USP37: variants seen among roughly 807,000 people sequenced by gnomAD.
USP37 encodes ubiquitin specific peptidase 37, also known as ubiquitin carboxyl-terminal hydrolase 37.
USP37 carries 27 observed loss-of-function variants against 124.0 expected under a neutral mutation model. The ratio of observed to expected loss-of-function variants is 0.22; its 90% CI spans 0.16 to 0.30. USP37 has a LOEUF of 0.30. Ranked by LOEUF, USP37 falls within the 10% of genes least tolerant of loss-of-function variation. The probability of loss-of-function intolerance (pLI) is 1.00; values close to 1 mark genes in which losing one functional copy is unlikely to be tolerated. For missense variants in USP37, 889 were observed against 1,140.4 expected (o/e 0.78, Z 3.17); for synonymous variants, 365 against 388.0 (o/e 0.94, Z 0.70).
intron 3 of USP37, among the ~76,000 whole-genome samples, chr2:218,559,782 G>A (rs962460249): frequency 2.0e-5 from 3 of 152,102 alleles, no homozygotes; most frequent in African/African-American, 7.2e-5. Flanking sequence ...TGGGCAGACT[G>A]CTTGAGCAAC....
intron 8 of USP37, among the ~76,000 whole-genome samples, chr2:218,540,312 T>C (rs550898339): frequency 2.0e-5 from 3 of 152,080 alleles, no homozygotes. Context: ...CAAGGTTTCA[T>C]TGTGCTACTC....
intron 16 of USP37, among the ~76,000 whole-genome samples, chr2:218,485,336 T>C (rs1385109093): frequency 6.6e-6 from 1 of 152,058 alleles, no homozygotes; most frequent in Non-Finnish European, 1.5e-5. Context: ...CTTTCTTTTG[T>C]AGAGATGGGG....
chr2:218,497,424 T>C (rs981678596), intron 13 of USP37, among the ~76,000 whole-genome samples: 1 of 151,856 alleles, frequency 6.6e-6, no homozygotes, highest in African/African-American at 2.4e-5. Context: ...GATGGAGTCT[T>C]GCTCTGTCAC....
chr2:218,544,428 T>TAGAGAGAGAGAGAGAGAGAG (rs1241793062), intron 8 of USP37, among the ~76,000 whole-genome samples: 1 of 50,062 alleles, frequency 2.0e-5, no homozygotes, highest in Non-Finnish European at 3.1e-5. Context: ...TATATATATA[T>TAGAGAGAGAGAGAGAGAGAG]ATAGAGAGAG....
At chr2:218,513,799 C>G (rs1690127612) in intron 10 of USP37, among the ~76,000 whole-genome samples, 1 of 152,058 alleles carries the variant, frequency 6.6e-6, no homozygotes, top group East Asian at 1.9e-4. Context: ...TAACCACTTA[C>G]TTTCTCTTTT....
intron 11 of USP37, among the ~76,000 whole-genome samples, chr2:218,508,289 T>A (rs1435874417): frequency 2.0e-5 from 3 of 151,682 alleles, no homozygotes; most frequent in South Asian, 2.1e-4. Context: ...TTTTTTTTTT[T>A]AAAAGGAGTT....
At chr2:218,543,262 G>A (rs751451983) in intron 8 of USP37, among the ~76,000 whole-genome samples, 2 of 152,086 alleles carry the variant, frequency 1.3e-5, no homozygotes, top group Non-Finnish European at 1.5e-5. Flanking sequence ...AGCACCTTGC[G>A]AGGCCGAGGT....
intron 22 of USP37, among the ~76,000 whole-genome samples, chr2:218,462,642 AC>A (rs1456656297): frequency 3.3e-5 from 5 of 152,184 alleles, no homozygotes; most frequent in Non-Finnish European, 7.3e-5. Flanking sequence ...AGGAGTCGTA[AC>A]AGTGGCAAAA....
chr2:218,478,758 T>C (rs1691102455), intron 18 of USP37, among the ~76,000 whole-genome samples: 2 of 152,216 alleles, frequency 1.3e-5, no homozygotes. Context: ...GCTCACTTTC[T>C]AAGCAGCCAA....
chr2:218,507,980 C>A (rs1160382419), intron 11 of USP37, among the ~76,000 whole-genome samples: 2 of 152,130 alleles, frequency 1.3e-5, no homozygotes, highest in Non-Finnish European at 2.9e-5. Flanking sequence ...GTCTTCCACT[C>A]CTATAAATTA....
intron 18 of USP37, 143 bp downstream of exon 18, chr2:218,479,507 G>C: frequency 3.1e-6 from 2 of 654,562 alleles, no homozygotes; most frequent in Non-Finnish European, 5.2e-6. Context: ...CCAAATTCAG[G>C]AAAGTTTCAA....
Position 218,454,708 on chromosome 2 carries a change from A to C in USP37, c.*222T>G. ...CTAAGACAAAAGAAGTGCCACTCAT[A>C]GGAGAAAAAGAGGATAATCAGCTAC... On this transcript the variant is annotated 3_prime_UTR_variant, in exon 26 of 26. Transcript: ENST00000258399. 1 of 811,078 alleles carries C rather than the reference A, an allele frequency of 1.2e-6. No homozygotes were observed. The highest frequency in any genetic ancestry group is 2.1e-5 in the South Asian group (1 of 46,512). 50.2% of individuals were successfully genotyped at this position (811,078 alleles called of 1,614,324 possible).
At chr2:218,539,517 C>G (rs1691855747) in intron 8 of USP37, among the ~76,000 whole-genome samples, 1 of 150,432 alleles carries the variant, frequency 6.6e-6, no homozygotes, top group Non-Finnish European at 1.5e-5. Flanking sequence ...GAGTTTGAGA[C>G]CAATCTGAGC....
intron 13 of USP37, 133 bp from the exon 14 acceptor site, chr2:218,496,083 C>T: frequency 1.2e-6 from 1 of 819,502 alleles, no homozygotes; most frequent in Non-Finnish European, 1.8e-6. Context: ...CACTTGAGGT[C>T]AGGAGTTCGA....
At chr2:218,494,097 A>C (rs1688945801) in intron 14 of USP37, among the ~76,000 whole-genome samples, 1 of 152,210 alleles carries the variant, frequency 6.6e-6, no homozygotes, top group African/African-American at 2.4e-5. Flanking sequence ...TCTTTAGACA[A>C]CCATTTATCC....
intron 22 of USP37, among the ~76,000 whole-genome samples, 186 bp downstream of exon 22, chr2:218,463,120 T>C (rs1306599482): frequency 2.0e-5 from 3 of 149,942 alleles, no homozygotes; most frequent in Non-Finnish European, 4.4e-5. Flanking sequence ...TGAGCCAAGA[T>C]TGCACCACTG....
intron 10 of USP37, among the ~76,000 whole-genome samples, chr2:218,513,150 C>T (rs900734317): frequency 2.0e-5 from 3 of 152,046 alleles, no homozygotes; most frequent in Admixed American, 2.0e-4. Context: ...CCCATCTCAA[C>T]TTCCCAAGTA....
intron 1 of USP37, among the ~76,000 whole-genome samples, chr2:218,564,630 A>G (rs1693485773): frequency 6.6e-6 from 1 of 152,156 alleles, no homozygotes; most frequent in Non-Finnish European, 1.5e-5. Flanking sequence ...TATCTTCTTA[A>G]CTTTCTCCCT....
chr2:218,479,575 G>A, intron 18 of USP37, 75 bp downstream of exon 18: 1 of 1,196,758 alleles, frequency 8.4e-7, no homozygotes, highest in South Asian at 1.2e-5. Flanking sequence ...TGAAAAGGCA[G>A]GGAGGCAATC....
Sources: gnomAD v4.1 joint callset for allele counts (sites outside exome capture counted in the v4.1 genomes callset) on GRCh38, gnomAD v4.1.1 for gene constraint, MANE v1.5 for transcripts, NCBI Gene and HGNC (gene_info 2026-07-23, HGNC 2026-07-21) for gene names.